The following GNPAT variants were observed in gnomAD, a reference collection of about 807,000 sequenced individuals.
GNPAT encodes the protein dihydroxyacetone phosphate acyltransferase.
Under a neutral mutation model 78.4 loss-of-function variants are expected in GNPAT, and 30 were observed. The observed-to-expected ratio is 0.38, with a 90% CI of 0.29 to 0.52. The LOEUF is 0.52. Ranked by LOEUF, GNPAT falls within the 20% of genes least tolerant of loss-of-function variation. The pLI, the probability that GNPAT is intolerant of heterozygous loss-of-function variation, is 0.84. For missense variants in GNPAT, 714 were observed against 812.2 expected (o/e 0.88, Z 1.47); for synonymous variants, 271 against 281.1 (o/e 0.96, Z 0.36).
At chr1:231,248,097 G>A (rs544701805) in intron 1 of GNPAT, among the ~76,000 whole-genome samples, 1 of 152,222 alleles carries the variant, frequency 6.6e-6, no homozygotes, top group East Asian at 1.9e-4. Context: ...GGAGTTGGGG[G>A]CACCAACCCT....
intron 1 of GNPAT, among the ~76,000 whole-genome samples, chr1:231,250,643 C>T (rs545781729): frequency 2.0e-5 from 3 of 152,074 alleles, no homozygotes; most frequent in Non-Finnish European, 4.4e-5. Flanking sequence ...CAGGTGAAAC[C>T]ATGTGAAGTT....
chr1:231,266,248 T>TA, intron 7 of GNPAT, 29 bp from the exon 8 acceptor site: 1 of 1,614,012 alleles, frequency 6.2e-7, no homozygotes, highest in South Asian at 1.1e-5. Flanking sequence ...GCTTTTCGTT[T>TA]TCTTCCCCCC....
chr1:231,267,236 C>T (rs1685413663), intron 8 of GNPAT, among the ~76,000 whole-genome samples: 1 of 152,122 alleles, frequency 6.6e-6, no homozygotes, highest in African/African-American at 2.4e-5. Context: ...TTTGGTAATC[C>T]ATGCATGAAG....
intron 8 of GNPAT, among the ~76,000 whole-genome samples, 177 bp downstream of exon 8, chr1:231,266,584 T>C (rs1413889387): frequency 6.6e-6 from 1 of 152,228 alleles, no homozygotes; most frequent in East Asian, 1.9e-4. Context: ...AGAAGAATTA[T>C]GTGTTTGTCC....
rs777913521 is a variant in GNPAT, at chr1:231,275,190, C to G, written c.1744-31C>G. The G allele has an allele frequency of 5.5e-6, 7 of 1,280,220 alleles. 1 individual carries two copies. The African/African-American group carries it at 5.8e-5, about 11-fold the overall frequency. 79.3% of individuals were successfully genotyped at this position (1,280,220 alleles called of 1,614,324 possible). A position where few individuals can be genotyped will look rare whatever the true frequency, so the allele number is the denominator to read the frequency against. On this transcript the variant is annotated intron_variant, in intron 12 of 15. Coordinates refer to ENST00000366647, the MANE Select transcript of GNPAT (RefSeq NM_014236.4). ...GAACTTGGCTATCCTTTTTCTCTTTCTGTTCCCCTCATCCTTCCTCTTAAA... is the reference window on the plus strand; with the variant it reads ...GAACTTGGCTATCCTTTTTCTCTTTGTGTTCCCCTCATCCTTCCTCTTAAA...
rs753937946 is a variant in GNPAT, at chr1:231,265,385, G to A, written c.661G>A (p.Ala221Thr). ...CTTTGGTGGCAATAAACTCTACTGGGCTGTATTCTCTGAATATGTAAAAAC... is the reference window on the plus strand; with the variant it reads ...CTTTGGTGGCAATAAACTCTACTGGACTGTATTCTCTGAATATGTAAAAAC... The part of the protein sequence containing the change: ...RTFGGNKLYW[A>T]VFSEYVKTML... The change falls in exon 5 of 16, where the codon GCT becomes ACT. Residue 221 changes from alanine to threonine, a missense_variant. Coordinates refer to ENST00000366647, the MANE Select transcript of GNPAT (RefSeq NM_014236.4). The A allele has an allele frequency of 6.2e-7, 1 of 1,608,582 alleles. No individual in the cohort carries two copies. Among genetic ancestry groups the A allele is most frequent in the Non-Finnish European group, 8.5e-7 (1 of 1,175,026 alleles).
chr1:231,259,703 A>G (rs1196506666), intron 2 of GNPAT, among the ~76,000 whole-genome samples: 2 of 152,212 alleles, frequency 1.3e-5, no homozygotes, highest in African/African-American at 4.8e-5. Context: ...TCAATGAAAA[A>G]AAAGGGTAAG....
At position 231,270,949 on chromosome 1, in the gene GNPAT, C is replaced by T. The variant is rs867324933; in HGVS notation, c.1471C>T (p.Arg491Cys). The change falls in exon 10 of 16, where the codon CGC (arginine) becomes TGC (cysteine). Residue 491 changes from arginine (R) to cysteine (C), a missense_variant. Coordinates refer to ENST00000366647, the MANE Select transcript of GNPAT (RefSeq NM_014236.4). ...GAACCAGCTGCTCAACATTTTTGTGCGCCCATCCTTAGTAGCAGTAGCATT... is the reference window on the plus strand; with the variant it reads ...GAACCAGCTGCTCAACATTTTTGTGTGCCCATCCTTAGTAGCAGTAGCATT... ...YRNQLLNIFV[R>C]PSLVAVALQM... 1.2e-5 allele frequency: 19 copies of T among 1,613,712 alleles called. No individual in the cohort carries two copies. The highest frequency in any genetic ancestry group is 4.0e-5 in the African/African-American group (3 of 74,906).
intron 1 of GNPAT, among the ~76,000 whole-genome samples, chr1:231,242,917 C>T (rs1684653028): frequency 6.6e-6 from 1 of 152,246 alleles, no homozygotes; most frequent in South Asian, 2.1e-4. Context: ...TGTTTTGTGA[C>T]TGGATAACCT....
chr1:231,242,738 G>A (rs1397505650), intron 1 of GNPAT, among the ~76,000 whole-genome samples: 1 of 152,326 alleles, frequency 6.6e-6, no homozygotes, highest in Non-Finnish European at 1.5e-5. Context: ...ATTAAAGGAA[G>A]GAGTTGGTTT....
intron 11 of GNPAT, among the ~76,000 whole-genome samples, chr1:231,273,687 G>A (rs1685630455): frequency 6.6e-6 from 1 of 152,174 alleles, no homozygotes; most frequent in Non-Finnish European, 1.5e-5. Flanking sequence ...GCTCAGAAAT[G>A]TTGTGTTTGA....
chr1:231,242,378 G>A (rs1046830482), intron 1 of GNPAT, among the ~76,000 whole-genome samples: 1 of 152,172 alleles, frequency 6.6e-6, no homozygotes, highest in Non-Finnish European at 1.5e-5. Flanking sequence ...TCAAAACAGG[G>A]ATAACACAGC....
chr1:231,261,978 G>T (rs536272543), intron 3 of GNPAT, among the ~76,000 whole-genome samples: 6 of 152,290 alleles, frequency 3.9e-5, no homozygotes, highest in African/African-American at 1.4e-4. Context: ...GGGACCAAGG[G>T]TGGTGGTGAG....
intron 2 of GNPAT, among the ~76,000 whole-genome samples, chr1:231,253,825 G>C (rs1558327443): frequency 6.6e-6 from 1 of 152,192 alleles, no homozygotes; most frequent in African/African-American, 2.4e-5. Context: ...ACACATAGTA[G>C]ACATTCAATC....
At chr1:231,264,211 A>G (rs1197066182) in intron 4 of GNPAT, among the ~76,000 whole-genome samples, 1 of 152,130 alleles carries the variant, frequency 6.6e-6, no homozygotes, top group East Asian at 1.9e-4. Flanking sequence ...TTTTATCCTA[A>G]GAGTTTTATG....
intron 11 of GNPAT, 33 bp downstream of exon 11, chr1:231,272,424 T>C (rs1203036194): frequency 2.7e-6 from 3 of 1,123,788 alleles, no homozygotes. Context: ...CAAGTATGTT[T>C]GCAGTGTGAG....
intron 1 of GNPAT, among the ~76,000 whole-genome samples, chr1:231,248,939 T>G (rs1684821056): frequency 6.6e-6 from 1 of 152,214 alleles, no homozygotes; most frequent in South Asian, 2.1e-4. Flanking sequence ...AAACACACTC[T>G]GTGATGTTTG....
intron 4 of GNPAT, among the ~76,000 whole-genome samples, chr1:231,264,899 G>C (rs113234019): frequency 3.9e-5 from 6 of 152,340 alleles, no homozygotes; most frequent in African/African-American, 1.4e-4. Context: ...CTTGTAAAGG[G>C]AGTGGTGCAT....
At chr1:231,253,597 A>G (rs1459624002) in intron 2 of GNPAT, among the ~76,000 whole-genome samples, 1 of 152,168 alleles carries the variant, frequency 6.6e-6, no homozygotes, top group African/African-American at 2.4e-5. Flanking sequence ...TTGGCCTTAC[A>G]TATCCTGGAG....
Sources: allele counts gnomAD v4.1 joint callset (sites outside exome capture counted in the v4.1 genomes callset), GRCh38; gene constraint gnomAD v4.1.1; transcripts MANE v1.5; gene names NCBI Gene and HGNC (gene_info 2026-07-23, HGNC 2026-07-21).